Variants in IQCM observed in about 807,000 individuals in gnomAD.
IQCM encodes the protein IQ domain-containing protein M.
In IQCM, 45 loss-of-function variants were observed where a neutral mutation model predicts 57.6. That is an observed-to-expected ratio of 0.78 (90% confidence interval 0.62 to 1.00). The LOEUF is 1.00. IQCM is among the 50% of genes least tolerant of loss of function. The pLI is 0.00. For missense variants in IQCM, 468 were observed against 511.6 expected, an observed-to-expected ratio of 0.91 and a Z score of 0.82; for synonymous variants, 148 against 158.9, an observed-to-expected ratio of 0.93 and a Z score of 0.51.
intron 8 of IQCM, among the ~76,000 whole-genome samples, chr4:149,590,062 T>C (rs76441340): frequency 0.01 from 1,574 of 152,026 alleles, 29 homozygotes; most frequent in African/African-American, 0.036. Context: ...ACATTCTCCA[T>C]AATAAGGGGT....
At chr4:149,415,244 A>G (rs1733661165) in intron 13 of IQCM, among the ~76,000 whole-genome samples, 2 of 152,194 alleles carry the variant, frequency 1.3e-5, no homozygotes, top group African/African-American at 4.8e-5. Flanking sequence ...TGGCTTCTGA[A>G]GAAAGCTCAA....
intron 13 of IQCM, among the ~76,000 whole-genome samples, chr4:149,370,296 A>G (rs1283435657): frequency 1.3e-5 from 2 of 152,198 alleles, no homozygotes; most frequent in Non-Finnish European, 2.9e-5. Context: ...CTGTGATTTT[A>G]AGAAAGATGA....
intron 11 of IQCM, among the ~76,000 whole-genome samples, 195 bp from the exon 12 acceptor site, chr4:149,548,784 C>G (rs1163417388): frequency 2.6e-5 from 4 of 152,086 alleles, no homozygotes; most frequent in Non-Finnish European, 5.9e-5. Context: ...GAAATTTTTA[C>G]TTGATTCCCC....
At chr4:149,442,953 CAGAGAGAG>C (rs56890715) in intron 12 of IQCM, among the ~76,000 whole-genome samples, 5,790 of 97,832 alleles carry the variant, frequency 0.059, 129 homozygotes, top group Non-Finnish European at 0.062. Context: ...CACACACACA[CAGAGAGAG>C]AGAGAGAGAG....
intron 12 of IQCM, among the ~76,000 whole-genome samples, chr4:149,538,774 C>A (rs1327570546): frequency 6.6e-6 from 1 of 151,778 alleles, no homozygotes; most frequent in Middle Eastern, 3.2e-3. Flanking sequence ...AGATATAACA[C>A]CACAAGCATA....
intron 3 of IQCM, among the ~76,000 whole-genome samples, chr4:149,736,062 C>T (rs1766910326): frequency 6.6e-6 from 1 of 151,876 alleles, no homozygotes; most frequent in African/African-American, 2.4e-5. Flanking sequence ...ATCCTCCCAC[C>T]TCAGCCTTCT....
intron 2 of IQCM, among the ~76,000 whole-genome samples, chr4:149,809,889 A>G (rs1041849994): frequency 6.6e-6 from 1 of 152,208 alleles, no homozygotes; most frequent in Non-Finnish European, 1.5e-5. Flanking sequence ...ACCCAGATAG[A>G]TCAGATATTT....
chr4:149,625,029 T>C (rs565894849), intron 7 of IQCM, among the ~76,000 whole-genome samples: 1 of 152,330 alleles, frequency 6.6e-6, no homozygotes, highest in Admixed American at 6.5e-5. Flanking sequence ...TACAAACAAT[T>C]AATAGTTAGG....
At chr4:149,522,877 A>G (rs917662271) in intron 12 of IQCM, among the ~76,000 whole-genome samples, 1 of 152,212 alleles carries the variant, frequency 6.6e-6, no homozygotes, top group African/African-American at 2.4e-5. Context: ...TATCCTGGTA[A>G]AATTCCTGAA....
At chr4:149,574,432 C>T (rs1751452391) in intron 9 of IQCM, among the ~76,000 whole-genome samples, 2 of 152,006 alleles carry the variant, frequency 1.3e-5, no homozygotes, top group South Asian at 2.1e-4. Flanking sequence ...TTTCATGCCA[C>T]CTCCTACTAA....
At chr4:149,565,553 T>G (rs750422127) in intron 9 of IQCM, among the ~76,000 whole-genome samples, 1 of 152,288 alleles carries the variant, frequency 6.6e-6, no homozygotes, top group South Asian at 2.1e-4. Context: ...GAACACTAGT[T>G]TGAATATCAT....
intron 7 of IQCM, among the ~76,000 whole-genome samples, chr4:149,659,677 C>T (rs1467037642): frequency 1.1e-4 from 17 of 152,060 alleles, no homozygotes; most frequent in Non-Finnish European, 1.5e-4. Flanking sequence ...AATAACACCG[C>T]ATATCTACAA....
chr4:149,735,221 T>G (rs994598511), intron 4 of IQCM, among the ~76,000 whole-genome samples, 155 bp downstream of exon 4: 1 of 152,208 alleles, frequency 6.6e-6, no homozygotes, highest in East Asian at 1.9e-4. Flanking sequence ...TTGAAATCAA[T>G]TTTTATAGCT....
intron 8 of IQCM, among the ~76,000 whole-genome samples, chr4:149,615,708 A>T (rs1026455347): frequency 1.3e-5 from 2 of 152,210 alleles, no homozygotes; most frequent in Non-Finnish European, 2.9e-5. Flanking sequence ...TATTTTAGCA[A>T]ATTAAAATTT....
intron 2 of IQCM, among the ~76,000 whole-genome samples, chr4:149,761,631 C>T (rs947985322): frequency 6.6e-6 from 1 of 151,950 alleles, no homozygotes; most frequent in South Asian, 2.1e-4. Flanking sequence ...TGTTATATCC[C>T]CCACTATACT....
chr4:149,433,804 G>A (rs968708934), intron 12 of IQCM, among the ~76,000 whole-genome samples: 2 of 151,372 alleles, frequency 1.3e-5, no homozygotes, highest in African/African-American at 2.4e-5. Flanking sequence ...TATTGTTAAG[G>A]CTGTGAAAAA....
intron 7 of IQCM, among the ~76,000 whole-genome samples, chr4:149,670,645 T>C (rs71500538): frequency 1.3e-5 from 2 of 152,266 alleles, no homozygotes; most frequent in East Asian, 3.9e-4. Flanking sequence ...TTTTGAGATA[T>C]GTCCCATGAA....
At chr4:149,797,557 T>A (rs1446205349) in intron 2 of IQCM, among the ~76,000 whole-genome samples, 1 of 151,868 alleles carries the variant, frequency 6.6e-6, no homozygotes, top group Non-Finnish European at 1.5e-5. Context: ...CAGAGAGATA[T>A]CAATATTCAA....
intron 10 of IQCM, among the ~76,000 whole-genome samples, chr4:149,558,714 T>G (rs979673158): frequency 1.9e-4 from 29 of 152,140 alleles, no homozygotes; most frequent in African/African-American, 6.0e-4. Context: ...GGGAAGAGCT[T>G]TCTCAGAAAT....
Sources: gnomAD v4.1 joint callset for allele counts (sites outside exome capture counted in the v4.1 genomes callset) on GRCh38, gnomAD v4.1.1 for gene constraint, MANE v1.5 for transcripts, NCBI Gene and HGNC (gene_info 2026-07-23, HGNC 2026-07-21) for gene names.